The following MBTPS1 variants were observed in gnomAD, a reference collection of about 807,000 sequenced individuals.
MBTPS1 encodes membrane-bound transcription factor site-1 protease.
Under a neutral mutation model 127.8 loss-of-function variants are expected in MBTPS1, and 94 were observed. The observed-to-expected ratio is 0.74, with a 90% confidence interval of 0.62 to 0.87. The LOEUF is 0.87. Ranked by LOEUF, MBTPS1 falls within the 40% of genes least tolerant of loss-of-function variation. The pLI is 0.00. For synonymous variants in MBTPS1, 632 were observed against 509.4 expected (o/e 1.24, Z -3.24); for missense variants, 1,636 against 1,353.2 (o/e 1.21, Z -3.28).
At chr16:84,115,609 T>C (rs563902709) in intron 1 of MBTPS1, among the ~76,000 whole-genome samples, 4 of 152,288 alleles carry the variant, frequency 2.6e-5, no homozygotes, top group South Asian at 2.1e-4. Context: ...ACATGCTAAG[T>C]GAAAGAAGCC....
chr16:84,095,522 C>G, intron 4 of MBTPS1, 80 bp downstream of exon 4: 1 of 1,486,056 alleles, frequency 6.7e-7, no homozygotes. Flanking sequence ...TCCTGCATGT[C>G]TGGACTTTCC....
intron 8 of MBTPS1, among the ~76,000 whole-genome samples, chr16:84,089,160 A>G (rs1206832104): frequency 1.3e-5 from 2 of 152,266 alleles, no homozygotes; most frequent in Non-Finnish European, 2.9e-5. Flanking sequence ...GAGAAACAGA[A>G]GGAGGACACT....
Position 84,068,451 on chromosome 16 carries a change from A to G in MBTPS1, c.1959T>C (p.Asn653=), listed in dbSNP as rs149870593. Reference sequence around the variant, plus strand: ...TGAAATTGGTGTGGATGTGATCACCATTCCTGAAAAACAATAGGCCACAGC... The same window carrying G: ...TGAAATTGGTGTGGATGTGATCACCGTTCCTGAAAAACAATAGGCCACAGC... The part of the protein sequence containing the change: ...LRMKNDPLDW[N]GDHIHTNFRD... The change falls in exon 15 of 23, where the codon AAT becomes AAC. Residue 653 remains asparagine, a synonymous_variant. Coordinates refer to ENST00000343411, the MANE Select transcript of MBTPS1 (RefSeq NM_003791.4). The G allele has an allele frequency of 1.9e-6, 3 of 1,596,862 alleles. No individual in the cohort carries two copies. The highest frequency in any genetic ancestry group is 2.6e-6 in the Non-Finnish European group (3 of 1,164,320).
chr16:84,065,121 G>C (rs1157906410), intron 18 of MBTPS1, among the ~76,000 whole-genome samples: 3 of 140,024 alleles, frequency 2.1e-5, no homozygotes, highest in Non-Finnish European at 4.7e-5. Flanking sequence ...CTTGAAGGTA[G>C]TTTTTTTTTT....
chr16:84,111,403 T>C (rs1392305977), intron 1 of MBTPS1, among the ~76,000 whole-genome samples: 1 of 151,712 alleles, frequency 6.6e-6, no homozygotes, highest in Admixed American at 6.6e-5. Flanking sequence ...AGCTAGGTAA[T>C]GGTGGTGGGT....
chr16:84,092,814 C>A (rs1288721559), intron 6 of MBTPS1, among the ~76,000 whole-genome samples: 1 of 152,152 alleles, frequency 6.6e-6, no homozygotes, highest in Admixed American at 6.5e-5. Context: ...GTGGTAGGAA[C>A]CCAATCAGGG....
intron 8 of MBTPS1, among the ~76,000 whole-genome samples, 188 bp downstream of exon 8, chr16:84,090,687 G>A (rs139836199): frequency 5.3e-4 from 80 of 152,302 alleles, no homozygotes; most frequent in African/African-American, 1.9e-3. Context: ...AACTGCTGAG[G>A]TGAGTGGTGA....
chr16:84,111,989 C>A (rs1458942358), intron 1 of MBTPS1, among the ~76,000 whole-genome samples: 1 of 151,404 alleles, frequency 6.6e-6, no homozygotes, highest in Admixed American at 6.6e-5. Context: ...TCACTTGAGG[C>A]CAGGAGTTCA....
intron 17 of MBTPS1, 39 bp from the exon 18 acceptor site, chr16:84,065,806 G>A (rs998825086): frequency 1.1e-5 from 14 of 1,234,844 alleles, no homozygotes; most frequent in African/African-American, 3.1e-5. Context: ...ACACAGGAAC[G>A]CCGAACACTT....
intron 4 of MBTPS1, 56 bp downstream of exon 4, chr16:84,095,546 G>A (rs2086166850): frequency 1.9e-6 from 3 of 1,580,368 alleles, no homozygotes; most frequent in South Asian, 2.2e-5. Flanking sequence ...CCTTCCCTGG[G>A]TAATAGCACA....
intron 12 of MBTPS1, 32 bp from the exon 13 acceptor site, chr16:84,070,808 AG>A: frequency 6.4e-7 from 1 of 1,561,384 alleles, no homozygotes; most frequent in Non-Finnish European, 8.7e-7. Flanking sequence ...CAAAGGCTAA[AG>A]TGAAAAGCTC....
chr16:84,058,817 A>G (rs1464960142), intron 21 of MBTPS1, among the ~76,000 whole-genome samples: 1 of 152,202 alleles, frequency 6.6e-6, no homozygotes, highest in South Asian at 2.1e-4. Context: ...ACAGCCTGCC[A>G]TCGGAGGCGG....
In MBTPS1 at chr16:84,053,853, C is replaced by T. The variant is rs1477658409; in HGVS notation, c.*596G>A. On this transcript the variant is annotated 3_prime_UTR_variant, in exon 23 of 23. Transcript: ENST00000343411. ...GACCTCAAATTACAAAACATGGTGG[C>T]AGGTGATACTTACAAAAATAAAGCG... 1 of 152,100 alleles carries T rather than the reference C, an allele frequency of 6.6e-6. No individual in the cohort carries two copies. The highest frequency in any genetic ancestry group is 1.5e-5 in the Non-Finnish European group (1 of 68,028). The allele number at this position is 152,100 out of a possible 1,614,324, so 9.4% of individuals were successfully genotyped here.
At chr16:84,081,102 T>G (rs370229693) in intron 11 of MBTPS1, among the ~76,000 whole-genome samples, 1 of 152,184 alleles carries the variant, frequency 6.6e-6, no homozygotes. Context: ...CAGTCAGCAG[T>G]GCTACATCAA....
intron 14 of MBTPS1, among the ~76,000 whole-genome samples, chr16:84,069,144 C>G (rs1406405164): frequency 7.2e-5 from 11 of 152,244 alleles, no homozygotes; most frequent in Non-Finnish European, 1.5e-5. Context: ...CTGTAACTAT[C>G]CTGGTCACAT....
intron 3 of MBTPS1, among the ~76,000 whole-genome samples, chr16:84,097,723 T>C (rs2086195141): frequency 6.6e-6 from 1 of 152,202 alleles, no homozygotes; most frequent in African/African-American, 2.4e-5. Flanking sequence ...TTTTGAAGTG[T>C]TACTGCTTTT....
intron 6 of MBTPS1, 26 bp downstream of exon 6, chr16:84,093,162 G>C (rs375836607): frequency 2.1e-6 from 3 of 1,430,686 alleles, no homozygotes; most frequent in Non-Finnish European, 3.0e-6. Flanking sequence ...AATTCCTCAA[G>C]TTTCAGGAGT....
chr16:84,057,789 G>C (rs536797024), intron 21 of MBTPS1: 9 of 152,254 alleles, frequency 5.9e-5, no homozygotes, highest in Non-Finnish European at 1.2e-4. Context: ...GAGTGATTGT[G>C]AAAATCAAAT....
intron 15 of MBTPS1, 138 bp from the exon 16 acceptor site, chr16:84,067,961 TA>T: frequency 1.4e-6 from 1 of 709,236 alleles, no homozygotes. Context: ...TGTACCACTT[TA>T]AAAGGGACTA....
Sources: allele counts gnomAD v4.1 joint callset (sites outside exome capture counted in the v4.1 genomes callset), GRCh38; gene constraint gnomAD v4.1.1; transcripts MANE v1.5; gene names NCBI Gene and HGNC (gene_info 2026-07-23, HGNC 2026-07-21).